Variants in QSOX2 observed in about 807,000 individuals in gnomAD.
QSOX2 encodes the protein sulfhydryl oxidase 2.
A neutral mutation model predicts 61.7 loss-of-function variants in QSOX2; 46 were observed. The ratio of observed to expected loss-of-function variants is 0.75; its 90% CI spans 0.59 to 0.95. The LOEUF (loss-of-function observed/expected upper bound fraction) is 0.95. QSOX2 is among the 40% of genes least tolerant of loss of function. The probability of loss-of-function intolerance (pLI) is 0.00; values close to 1 mark genes in which losing one functional copy is unlikely to be tolerated. For missense variants in QSOX2, 879 were observed against 918.9 expected (o/e 0.96, Z 0.56); for synonymous variants, 383 against 388.4 (o/e 0.99, Z 0.16).
chr9:136,228,259 A>G (rs74646510), intron 1 of QSOX2, among the ~76,000 whole-genome samples: 1,944 of 152,280 alleles, frequency 0.013, 52 homozygotes, highest in South Asian at 0.11. Flanking sequence ...GTGACGTGTC[A>G]TCTCTCACCG....
At position 136,218,779 on chromosome 9, in the gene QSOX2, G is replaced by C; in HGVS notation, c.986C>G (p.Ser329Ter). 1 of 1,613,552 alleles carries C rather than the reference G, an allele frequency of 6.2e-7. No individual in the cohort carries two copies. The highest frequency in any genetic ancestry group is 8.5e-7 in the Non-Finnish European group (1 of 1,180,014). The change falls in exon 8 of 12, where the codon TCA becomes TGA. Residue 329 changes from serine to a stop codon, truncating the protein, a stop_gained. Transcript: ENST00000358701. LOFTEE classifies it high-confidence loss of function. The part of the protein sequence containing the change: ...KSKLYTVDLE[S>*]GLHYLLRVEL... The stretch of plus-strand genomic sequence containing the variant: ...CACCCGCAGGAGGTAGTGTAGCCCT[G>C]ACTCCAGGTCCACCGTGTACAGCTT...
chr9:136,224,175 C>T, intron 3 of QSOX2, 63 bp from the exon 4 acceptor site: 3 of 1,334,266 alleles, frequency 2.2e-6, no homozygotes, highest in Non-Finnish European at 3.2e-6. Context: ...CAGGCATACA[C>T]CCAGGGACAG....
In QSOX2 at chr9:136,219,089, C is replaced by T. The variant is rs142403115; in HGVS notation, c.897G>A (p.Leu299=). The T allele has an allele frequency of 4.4e-3, 7,061 of 1,614,084 alleles. 12 individuals are homozygous for T. The highest frequency in any genetic ancestry group is 5.3e-3 in the Non-Finnish European group (6,248 of 1,180,022). ...TTTCTTCTTTGTGTGGCTTTTCAGG[C>T]AAGGGAAGCGATTTTTTCCTCACAT... ...LPDVRKKSLP[L]PEKPHKEENS... is the part of the protein sequence containing the mutation. The change falls in exon 7 of 12, where the codon TTG becomes TTA. Residue 299 remains leucine (L), a synonymous_variant. Transcript: ENST00000358701.
At chr9:136,216,838 G>T in intron 8 of QSOX2, 116 bp from the exon 9 acceptor site, 1 of 1,297,360 alleles carries the variant, frequency 7.7e-7, no homozygotes, top group South Asian at 1.3e-5. Context: ...GCTGAACCTA[G>T]GATGGGGCCT....
chr9:136,224,997 G>T, intron 2 of QSOX2, 88 bp from the exon 3 acceptor site: 1 of 875,336 alleles, frequency 1.1e-6, no homozygotes, highest in Non-Finnish European at 1.8e-6. Context: ...TCACCTTAGA[G>T]GGAGCTTTAC....
At chr9:136,228,618 C>T (rs1830303679) in intron 1 of QSOX2, among the ~76,000 whole-genome samples, 1 of 152,196 alleles carries the variant, frequency 6.6e-6, no homozygotes, top group Non-Finnish European at 1.5e-5. Flanking sequence ...GCAGAGTCGG[C>T]AGTGTGGCAG....
intron 1 of QSOX2, among the ~76,000 whole-genome samples, chr9:136,242,672 C>T (rs1830442072): frequency 6.6e-6 from 1 of 152,254 alleles, no homozygotes; most frequent in African/African-American, 2.4e-5. Context: ...GACAGGGAGC[C>T]AGGCGCCAAG....
chr9:136,227,410 G>A (rs1161357966), intron 1 of QSOX2, among the ~76,000 whole-genome samples: 1 of 152,062 alleles, frequency 6.6e-6, no homozygotes, highest in African/African-American at 2.4e-5. Context: ...CGCAAACCCT[G>A]GAACACCTAT....
intron 1 of QSOX2, among the ~76,000 whole-genome samples, chr9:136,236,306 G>T (rs148421404): frequency 2.0e-5 from 3 of 152,202 alleles, no homozygotes; most frequent in Non-Finnish European, 4.4e-5. Flanking sequence ...GGAGACGCAC[G>T]GTGTGCGGAG....
At position 136,206,622 on chromosome 9, in the gene QSOX2, T is replaced by TATGG. The variant is rs1317501078; in HGVS notation, c.*2102_*2105dup. On this transcript the variant is annotated 3_prime_UTR_variant, in exon 12 of 12. Coordinates refer to ENST00000358701, the MANE Select transcript of QSOX2 (RefSeq NM_181701.4). ...GCAGGCCACACAAGGTGTGTCTGAG[T>TATGG]ATGGCCATATGACTCCTGGGGCCAC... The TATGG allele has an allele frequency of 6.6e-6, 1 of 152,282 alleles. No homozygotes were observed. The highest frequency in any genetic ancestry group is 1.5e-5 in the Non-Finnish European group (1 of 68,026). The allele number at this position is 152,282 out of a possible 1,614,324, so 9.4% of individuals were successfully genotyped here.
chr9:136,227,943 C>G (rs1830297309), intron 1 of QSOX2, among the ~76,000 whole-genome samples: 1 of 151,908 alleles, frequency 6.6e-6, no homozygotes, highest in Admixed American at 6.6e-5. Context: ...CAGGGGGAGG[C>G]TCCACCTTAA....
chr9:136,234,733 CA>C (rs1270099837), intron 1 of QSOX2, among the ~76,000 whole-genome samples: 9 of 140,644 alleles, frequency 6.4e-5, no homozygotes, highest in African/African-American at 2.7e-4. Flanking sequence ...GGCTTGGGAG[CA>C]AGGCTGGTCT....
intron 1 of QSOX2, among the ~76,000 whole-genome samples, chr9:136,228,299 TAA>T (rs1236472028): frequency 1.3e-5 from 2 of 152,142 alleles, no homozygotes; most frequent in African/African-American, 4.8e-5. Context: ...GACAATTCTG[TAA>T]AGAGAGACCT....
rs1490185986 is a variant in QSOX2 at position 136,209,287 on chromosome 9, AGG to A, written c.1550-14_1550-13del. 1 of 1,605,920 alleles carries A rather than the reference AGG, an allele frequency of 6.2e-7. No homozygotes were observed. Among genetic ancestry groups the A allele is most frequent in the East Asian group, 2.2e-5 (1 of 44,674 alleles). ...CTCACTCAGATGGCCTAGGAAGAAA[AGG>A]AAGCGGGAGAGCCAGAGGGAAGGAG... On this transcript the variant is annotated splice_polypyrimidine_tract_variant and intron_variant, in intron 11 of 11. Coordinates refer to ENST00000358701, the MANE Select transcript of QSOX2 (RefSeq NM_181701.4). This position sits in a 1 kb window ranked among gnomAD's most constrained non-coding sequence, Gnocchi z 5.6.
At chr9:136,214,635 G>C (rs1005171573) in intron 10 of QSOX2, among the ~76,000 whole-genome samples, 1 of 152,170 alleles carries the variant, frequency 6.6e-6, no homozygotes, top group Non-Finnish European at 1.5e-5. Context: ...GGCCTTGGGT[G>C]ACCCCCCAGG....
At chr9:136,210,533 G>A (rs767045046) in intron 11 of QSOX2, 25 of 985,324 alleles carry the variant, frequency 2.5e-5, no homozygotes, top group South Asian at 9.4e-5. Context: ...GCGGAGAGAC[G>A]GAGAAGCTGC....
chr9:136,224,220 G>T, intron 3 of QSOX2, 108 bp from the exon 4 acceptor site: 1 of 800,152 alleles, frequency 1.2e-6, no homozygotes, highest in Non-Finnish European at 2.0e-6. Context: ...AAAGACAGCA[G>T]GGTGCAGGTG....
At chr9:136,212,457 G>A (rs1564289425) in intron 10 of QSOX2, among the ~76,000 whole-genome samples, 1 of 152,264 alleles carries the variant, frequency 6.6e-6, no homozygotes, top group Non-Finnish European at 1.5e-5. Context: ...ACAGCTGCGT[G>A]CAGGCCCTGA....
chr9:136,223,942 C>T lies in QSOX2; in HGVS notation c.584+65G>A, dbSNP rs1279249017. On this transcript the variant is annotated intron_variant, in intron 4 of 11. Coordinates refer to ENST00000358701, the MANE Select transcript of QSOX2 (RefSeq NM_181701.4). The surrounding 1 kb of genome is among the most constrained non-coding windows in gnomAD (Gnocchi z 4.4). The stretch of plus-strand genomic sequence containing the variant: ...CAGTGGCCACATCACTTAATAGAAA[C>T]CTATTACGTTTCTTGCACAGTTCAA... 6 of 1,564,648 alleles carry T rather than the reference C, an allele frequency of 3.8e-6. No homozygotes were observed. The highest frequency in any genetic ancestry group is 1.4e-5 in the African/African-American group (1 of 73,776).
Sources: allele counts gnomAD v4.1 joint callset (sites outside exome capture counted in the v4.1 genomes callset), GRCh38; gene constraint gnomAD v4.1.1; non-coding constraint Gnocchi (gnomAD v3.1); transcripts MANE v1.5; gene names NCBI Gene and HGNC (gene_info 2026-07-23, HGNC 2026-07-21).